The following TSNARE1 variants were observed in gnomAD, a reference collection of about 807,000 sequenced individuals.
TSNARE1 encodes t-SNARE domain containing 1, also known as t-SNARE domain-containing protein 1.
In TSNARE1, 49 loss-of-function variants were observed where a neutral mutation model predicts 62.0. The observed-to-expected ratio is 0.79, with a 90% CI of 0.63 to 1.00. The LOEUF (loss-of-function observed/expected upper bound fraction) is 1.00. Among genes scored for constraint, TSNARE1 ranks in the 50% least tolerant of loss-of-function variants. The pLI is 0.00. For missense variants in TSNARE1, 755 were observed against 700.1 expected (o/e 1.08, Z -0.88); for synonymous variants, 328 against 294.4 (o/e 1.11, Z -1.17).
intron 11 of TSNARE1, chr8:142,279,827 C>CGGGG: frequency 9.9e-7 from 1 of 1,005,602 alleles, no homozygotes; most frequent in South Asian, 3.2e-5. Flanking sequence ...CAGTGTGGTC[C>CGGGG]GGGGGGGCGG....
chr8:142,270,714 A>AG (rs930909410), intron 12 of TSNARE1: 2 of 985,328 alleles, frequency 2.0e-6, no homozygotes, highest in South Asian at 9.4e-5. Context: ...TCCAGTGAGC[A>AG]GGGGGCCCCT....
At chr8:142,222,182 CCACTCACTCATT>C (rs1386918421) in intron 13 of TSNARE1, among the ~76,000 whole-genome samples, 3 of 74,822 alleles carry the variant, frequency 4.0e-5, no homozygotes, top group African/African-American at 1.2e-4. Flanking sequence ...ACTCACTCAT[CCACTCACTCATT>C]CACTCACTCA....
intron 11 of TSNARE1, among the ~76,000 whole-genome samples, chr8:142,282,388 G>A (rs541265833): frequency 9.2e-5 from 14 of 152,210 alleles, no homozygotes; most frequent in South Asian, 4.1e-4. Flanking sequence ...AGGGACCAGC[G>A]TCTGTCAATG....
At chr8:142,217,636 C>T (rs1815948165) in intron 13 of TSNARE1, among the ~76,000 whole-genome samples, 1 of 152,240 alleles carries the variant, frequency 6.6e-6, no homozygotes, top group Non-Finnish European at 1.5e-5. Context: ...AGTGTGCATG[C>T]ACCATGCTTT....
chr8:142,277,231 C>T lies in TSNARE1; in HGVS notation c.1364-2368G>A, dbSNP rs946152609. On this transcript the variant is annotated intron_variant, in intron 11 of 13. Coordinates refer to ENST00000524325, the MANE Select transcript of TSNARE1 (RefSeq NM_145003.5). ...GGGGCCCCTTGCACATCCCCTGACT[C>T]CAGGAGTCCAAGGGATACCCAAGCA... The T allele has an allele frequency of 2.7e-5, 27 of 985,264 alleles. No homozygotes were observed. The African/African-American group carries it at 4.5e-4, about 17-fold the overall frequency. 61.0% of individuals were successfully genotyped at this position (985,264 alleles called of 1,614,324 possible).
intron 7 of TSNARE1, among the ~76,000 whole-genome samples, chr8:142,317,684 G>A (rs977796277): frequency 2.6e-5 from 4 of 152,226 alleles, no homozygotes; most frequent in African/African-American, 4.8e-5. Context: ...AGGGCCAGGC[G>A]TGGTGGCTCA....
intron 11 of TSNARE1, among the ~76,000 whole-genome samples, chr8:142,284,002 C>A (rs1469145399): frequency 7.5e-6 from 1 of 133,744 alleles, no homozygotes; most frequent in African/African-American, 2.7e-5. Flanking sequence ...CAGTGTCTGT[C>A]GATGAGCAGG....
At chr8:142,331,731 G>A (rs1272237000) in intron 5 of TSNARE1, 23 bp downstream of exon 5, 1 of 1,574,792 alleles carries the variant, frequency 6.4e-7, no homozygotes, top group Admixed American at 1.8e-5. Flanking sequence ...GGAGGGGCAG[G>A]CCCAGGCCAG....
intron 12 of TSNARE1, chr8:142,271,273 G>C (rs1380139524): frequency 1.9e-6 from 2 of 1,053,150 alleles, no homozygotes; most frequent in East Asian, 6.7e-5. Context: ...CGAGGGTCCG[G>C]TTGAGGGCCT....
intron 3 of TSNARE1, 104 bp from the exon 4 acceptor site, chr8:142,344,576 G>T: frequency 8.1e-7 from 1 of 1,234,234 alleles, no homozygotes; most frequent in Non-Finnish European, 1.1e-6. Flanking sequence ...TCTGCTTCAG[G>T]ACACGGCTGC....
At chr8:142,223,050 A>ATTCACTCACTC (rs1816510948) in intron 13 of TSNARE1, among the ~76,000 whole-genome samples, 4 of 144,632 alleles carry the variant, frequency 2.8e-5, no homozygotes, top group Non-Finnish European at 6.0e-5. Context: ...TCACTCACTC[A>ATTCACTCACTC]TTCACTCATT....
intron 13 of TSNARE1, among the ~76,000 whole-genome samples, chr8:142,214,895 G>C (rs896649520): frequency 2.5e-4 from 38 of 152,200 alleles, no homozygotes; most frequent in African/African-American, 8.9e-4. Flanking sequence ...CCAGGGCAAA[G>C]AGCAGTTTCT....
At chr8:142,240,656 A>G (rs1817636105) in intron 12 of TSNARE1, among the ~76,000 whole-genome samples, 1 of 152,244 alleles carries the variant, frequency 6.6e-6, no homozygotes, top group South Asian at 2.1e-4. Context: ...AAATTCTCTG[A>G]GCAAAATGCA....
chr8:142,355,770 A>G (rs1834679750), intron 1 of TSNARE1, among the ~76,000 whole-genome samples: 2 of 152,228 alleles, frequency 1.3e-5, no homozygotes, highest in South Asian at 2.1e-4. Context: ...GGCAGGTTTC[A>G]GAGCAAAGTG....
Position 142,276,792 on chromosome 8 carries a change from G to A in TSNARE1, c.1364-1929C>T, listed in dbSNP as rs1030634051. On this transcript the variant is annotated intron_variant, in intron 11 of 13. Transcript: ENST00000524325. Reference sequence around the variant, plus strand: ...ACTGATGTCCTGCTGCTCCAGGGCTGCATGCACCGGCCACAGACCCAGGGC... The same window carrying A: ...ACTGATGTCCTGCTGCTCCAGGGCTACATGCACCGGCCACAGACCCAGGGC... 5.1e-6 allele frequency: 5 copies of A among 985,290 alleles called. No homozygotes were observed. In the African/African-American group the frequency reaches 7.0e-5, roughly 14 times the overall value. The allele number at this position is 985,290 out of a possible 1,614,324, so 61.0% of individuals were successfully genotyped here. A position where few individuals can be genotyped will look rare whatever the true frequency, so the allele number is the denominator to read the frequency against.
chr8:142,278,760 G>T, intron 11 of TSNARE1: 4 of 985,462 alleles, frequency 4.1e-6, no homozygotes, highest in Non-Finnish European at 3.6e-6. Context: ...TGCCTGACAG[G>T]CTGAGAGTCA....
intron 1 of TSNARE1, among the ~76,000 whole-genome samples, chr8:142,357,528 G>C (rs556899880): frequency 6.6e-6 from 1 of 152,296 alleles, no homozygotes; most frequent in Non-Finnish European, 1.5e-5. Flanking sequence ...GTGAGCAGGT[G>C]GCGGCAGGAA....
intron 1 of TSNARE1, among the ~76,000 whole-genome samples, chr8:142,391,299 C>T (rs1014220975): frequency 4.1e-5 from 6 of 146,910 alleles, no homozygotes; most frequent in East Asian, 4.1e-4. Flanking sequence ...CTGTAACAGA[C>T]GCTGTACACT....
intron 4 of TSNARE1, among the ~76,000 whole-genome samples, chr8:142,339,183 G>A (rs4553034): frequency 0.028 from 4,202 of 152,204 alleles, 61 homozygotes; most frequent in East Asian, 0.067. Flanking sequence ...AAGGAGAAAC[G>A]GAGTACCCCA....
Sources: allele counts gnomAD v4.1 joint callset (sites outside exome capture counted in the v4.1 genomes callset), GRCh38; gene constraint gnomAD v4.1.1; transcripts MANE v1.5; gene names NCBI Gene and HGNC (gene_info 2026-07-23, HGNC 2026-07-21).